Variants in SEZ6L observed in about 807,000 individuals in gnomAD.
The protein encoded by SEZ6L is seizure 6-like protein.
SEZ6L carries 37 observed loss-of-function variants against 106.2 expected under a neutral mutation model. That is an observed-to-expected ratio of 0.35 (90% CI 0.27 to 0.46). The LOEUF is 0.46. Ranked by LOEUF, SEZ6L falls within the 20% of genes least tolerant of loss-of-function variation. SEZ6L has a pLI of 1.00. For missense variants in SEZ6L, 1,172 were observed against 1,332.8 expected (o/e 0.88, Z 1.88); for synonymous variants, 541 against 570.4 (o/e 0.95, Z 0.73).
chr22:26,190,065 C>G (rs1940087083), intron 1 of SEZ6L, among the ~76,000 whole-genome samples: 1 of 151,156 alleles, frequency 6.6e-6, no homozygotes, highest in African/African-American at 2.4e-5. Flanking sequence ...CCACTGCACT[C>G]CAGCCTGGGC....
chr22:26,333,592 C>T (rs566882949), intron 9 of SEZ6L, among the ~76,000 whole-genome samples: 1 of 152,182 alleles, frequency 6.6e-6, no homozygotes, highest in Non-Finnish European at 1.5e-5. Context: ...GCCCTATGCC[C>T]TGAGCTGGCA....
intron 1 of SEZ6L, among the ~76,000 whole-genome samples, chr22:26,238,329 G>A (rs1487422347): frequency 6.6e-6 from 1 of 152,244 alleles, no homozygotes; most frequent in East Asian, 1.9e-4. Flanking sequence ...GGGAAACACA[G>A]AAGGATGTGC....
rs781608612 is a variant in SEZ6L at position 26,365,537 on chromosome 22, A to G, written c.2765A>G (p.His922Arg). 2 of 1,614,014 alleles carry G rather than the reference A, an allele frequency of 1.2e-6. No individual in the cohort carries two copies. Among genetic ancestry groups the G allele is most frequent in the Non-Finnish European group, 8.5e-7 (1 of 1,179,934 alleles). The part of the protein sequence containing the change: ...TIRCILGQPS[H>R]WNGPLPVCKV... ...CGCTGCATCCTGGGACAGCCATCCC[A>G]CTGGAACGGGCCCCTGCCCGTGTGT... The change falls in exon 13 of 17, where the codon CAC becomes CGC. Residue 922 changes from histidine to arginine, a missense_variant. By Grantham distance (29) the His-to-Arg change is conservative. This residue lies in a region of SEZ6L where 141 missense variants were observed against 176.0 expected (regional missense o/e 0.80). Transcript: ENST00000248933.
At chr22:26,250,496 T>C (rs1477534658) in intron 1 of SEZ6L, among the ~76,000 whole-genome samples, 2 of 152,206 alleles carry the variant, frequency 1.3e-5, no homozygotes, top group East Asian at 3.8e-4. Context: ...ATTTCTGGGT[T>C]TGCGATTCTG....
intron 1 of SEZ6L, among the ~76,000 whole-genome samples, chr22:26,180,947 G>A (rs113127750): frequency 7.2e-4 from 110 of 152,320 alleles, no homozygotes; most frequent in African/African-American, 2.5e-3. Context: ...ACTCAGCACA[G>A]GATTAGGACT....
At chr22:26,228,041 C>T (rs1011902937) in intron 1 of SEZ6L, among the ~76,000 whole-genome samples, 2 of 152,190 alleles carry the variant, frequency 1.3e-5, no homozygotes, top group Non-Finnish European at 2.9e-5. Context: ...CCTGCTTCCT[C>T]TACATTCACT....
intron 9 of SEZ6L, among the ~76,000 whole-genome samples, chr22:26,322,152 T>C (rs1167195459): frequency 1.3e-5 from 2 of 152,232 alleles, no homozygotes; most frequent in Admixed American, 6.5e-5. Context: ...TTGCATGGTA[T>C]CTGGCACATA....
At chr22:26,347,588 C>T (rs1274906171) in intron 10 of SEZ6L, 131 bp from the exon 11 acceptor site, 9 of 674,470 alleles carry the variant, frequency 1.3e-5, no homozygotes, top group South Asian at 9.5e-5. Flanking sequence ...GCCAGTTAAG[C>T]GATTTTGGAA....
intron 1 of SEZ6L, among the ~76,000 whole-genome samples, chr22:26,184,740 C>G (rs1220942723): frequency 1.3e-5 from 2 of 152,058 alleles, no homozygotes; most frequent in Non-Finnish European, 2.9e-5. Flanking sequence ...GGGGTAGAAA[C>G]AATGGTCTAC....
chr22:26,350,096 A>G (rs1397245765), intron 11 of SEZ6L, among the ~76,000 whole-genome samples: 5 of 151,980 alleles, frequency 3.3e-5, no homozygotes, highest in Non-Finnish European at 7.4e-5. Context: ...CCTTTTTAAA[A>G]AAATCGCAAA....
intron 10 of SEZ6L, among the ~76,000 whole-genome samples, chr22:26,343,668 C>T (rs1258411035): frequency 5.3e-5 from 8 of 152,134 alleles, no homozygotes; most frequent in Non-Finnish European, 1.2e-4. Context: ...AAGGCAGTCC[C>T]ATTAATAGAC....
intron 3 of SEZ6L, among the ~76,000 whole-genome samples, chr22:26,294,721 AACACAC>A (rs56000206): frequency 0.092 from 13,705 of 148,170 alleles, 884 homozygotes; most frequent in African/African-American, 0.18. Flanking sequence ...CACGTGCATA[AACACAC>A]ACACACACAC....
In SEZ6L at chr22:26,193,767, G is replaced by A. The variant is rs113860814; in HGVS notation, c.94+24004G>A. Among the ~76,000 whole-genome samples, 1,467 of 152,222 alleles carry A rather than the reference G, an allele frequency of 9.6e-3. 22 individuals carry two copies. Among genetic ancestry groups the A allele is most frequent in the African/African-American group, 0.034 (1,398 of 41,540 alleles). ...ATTCAATTCTGCTCAATCGTCTGTTGCTATTGGACCAAATTCTTCCAGGAA... is the reference window on the plus strand; with the variant it reads ...ATTCAATTCTGCTCAATCGTCTGTTACTATTGGACCAAATTCTTCCAGGAA... On this transcript the variant is annotated intron_variant, in intron 1 of 16. Transcript: ENST00000248933.
In SEZ6L at chr22:26,212,350, A is replaced by G. The variant is rs8140710; in HGVS notation, c.94+42587A>G. The stretch of plus-strand genomic sequence containing the variant: ...AGATTCATGATATGTTCTCATTGGA[A>G]TAAAAGATTCTATAGCTAAAATGAG... On this transcript the variant is annotated intron_variant, in intron 1 of 16. Transcript: ENST00000248933. 4.3e-3 allele frequency among the ~76,000 whole-genome samples: 654 copies of G among 152,326 alleles called. 4 individuals carry two copies. The highest frequency in any genetic ancestry group is 0.015 in the African/African-American group (628 of 41,564).
At chr22:26,235,212 G>T (rs1602108843) in intron 1 of SEZ6L, among the ~76,000 whole-genome samples, 1 of 152,180 alleles carries the variant, frequency 6.6e-6, no homozygotes, top group East Asian at 1.9e-4. Flanking sequence ...GAAGCCCATT[G>T]TATGATGTTT....
At chr22:26,351,505 CTTTGTTTT>C (rs1337634319) in intron 12 of SEZ6L, 10 of 377,044 alleles carry the variant, frequency 2.7e-5, no homozygotes, top group East Asian at 2.6e-4. Context: ...GCATAGTATA[CTTTGTTTT>C]TTTGTTTGTT....
chr22:26,216,663 A>AAAAAGG (rs2078308839), intron 1 of SEZ6L, among the ~76,000 whole-genome samples: 1 of 130,688 alleles, frequency 7.7e-6, no homozygotes, highest in Admixed American at 7.4e-5. Flanking sequence ...CTCAAAAAAG[A>AAAAAGG]AAAAGGAAAA....
chr22:26,216,317 G>A (rs535674405), intron 1 of SEZ6L, among the ~76,000 whole-genome samples: 1 of 152,300 alleles, frequency 6.6e-6, no homozygotes, highest in South Asian at 2.1e-4. Context: ...GGGGACAGCT[G>A]ACCTGTCCCC....
chr22:26,304,288 G>A (rs185105713), intron 5 of SEZ6L, among the ~76,000 whole-genome samples: 1 of 151,374 alleles, frequency 6.6e-6, no homozygotes, highest in African/African-American at 2.4e-5. Flanking sequence ...GGAGGCAGAG[G>A]TTGCAGTGAG....
Sources: allele counts gnomAD v4.1 joint callset (sites outside exome capture counted in the v4.1 genomes callset), GRCh38; gene constraint gnomAD v4.1.1; regional missense constraint gnomAD v4.1.1; transcripts MANE v1.5; gene names NCBI Gene and HGNC (gene_info 2026-07-23, HGNC 2026-07-21).